The following TSPAN5 variants were observed in gnomAD, a reference collection of about 807,000 sequenced individuals.
The protein encoded by TSPAN5 is tetraspanin-5.
TSPAN5 carries 10 observed loss-of-function variants against 37.1 expected under a neutral mutation model. That is an observed-to-expected ratio of 0.27 (90% CI 0.17 to 0.46). The LOEUF is 0.46. Among genes scored for constraint, TSPAN5 ranks in the 20% least tolerant of loss-of-function variants. The pLI is 1.00. For missense variants in TSPAN5, 195 were observed against 326.6 expected (o/e 0.60, Z 3.11); for synonymous variants, 110 against 118.9 (o/e 0.93, Z 0.48).
At chr4:98,622,518 T>G (rs775761592) in intron 1 of TSPAN5, among the ~76,000 whole-genome samples, 6 of 152,234 alleles carry the variant, frequency 3.9e-5, no homozygotes, top group Non-Finnish European at 8.8e-5. Flanking sequence ...TGCGCCATTT[T>G]CATTCCCATC....
intron 1 of TSPAN5, among the ~76,000 whole-genome samples, chr4:98,558,921 C>T (rs1031046375): frequency 8.5e-5 from 13 of 152,172 alleles, no homozygotes; most frequent in African/African-American, 3.1e-4. Flanking sequence ...TGTTTAATCT[C>T]CCAGCACTCT....
At chr4:98,503,335 G>A (rs1286915040) in intron 2 of TSPAN5, among the ~76,000 whole-genome samples, 1 of 152,082 alleles carries the variant, frequency 6.6e-6, no homozygotes, top group Admixed American at 6.5e-5. Flanking sequence ...GTGCAGAAAA[G>A]ACACCAGAGC....
chr4:98,590,750 T>C (rs1047783019), intron 1 of TSPAN5, among the ~76,000 whole-genome samples: 5 of 151,470 alleles, frequency 3.3e-5, no homozygotes, highest in South Asian at 2.1e-4. Flanking sequence ...AATTAACTTG[T>C]CCGAGGTCAC....
At chr4:98,581,390 A>G (rs1755366306) in intron 1 of TSPAN5, among the ~76,000 whole-genome samples, 1 of 152,134 alleles carries the variant, frequency 6.6e-6, no homozygotes, top group South Asian at 2.1e-4. Flanking sequence ...TACTAGATGC[A>G]AAAATGTATA....
intron 1 of TSPAN5, among the ~76,000 whole-genome samples, chr4:98,616,864 G>A (rs1756352785): frequency 1.1e-5 from 1 of 94,864 alleles, no homozygotes; most frequent in Non-Finnish European, 2.0e-5. Flanking sequence ...GAAGCTCCAC[G>A]TAAATTTTTT....
chr4:98,478,661 AAT>A, intron 5 of TSPAN5, 22 bp downstream of exon 5: 1 of 1,614,138 alleles, frequency 6.2e-7, no homozygotes, highest in Non-Finnish European at 8.5e-7. Flanking sequence ...AGAGTAGGCC[AAT>A]AGTTCGCTGG....
chr4:98,557,108 T>A (rs940177787), intron 1 of TSPAN5, among the ~76,000 whole-genome samples: 6 of 152,150 alleles, frequency 3.9e-5, no homozygotes, highest in African/African-American at 1.2e-4. Context: ...TCAAAGCCAA[T>A]TATGAGACAC....
chr4:98,529,064 TC>T (rs78950462), intron 1 of TSPAN5, among the ~76,000 whole-genome samples: 8 of 101,508 alleles, frequency 7.9e-5, no homozygotes, highest in Non-Finnish European at 1.3e-4. Flanking sequence ...AACTCCAAGC[TC>T]TGTACCACAA....
Position 98,558,378 on chromosome 4 carries a change from C to A in TSPAN5, c.82-50650G>T, listed in dbSNP as rs78190355. On this transcript the variant is annotated intron_variant, in intron 1 of 7. Coordinates refer to ENST00000305798, the MANE Select transcript of TSPAN5 (RefSeq NM_005723.4). ...AAAACTCTTCCAAGTCTCACACTGT[C>A]CCCCTGGATCTCAATCTGCTGGCTA... 5.0e-3 allele frequency among the ~76,000 whole-genome samples: 766 copies of A among 152,268 alleles called. 7 individuals are homozygous for A. Among genetic ancestry groups the A allele is most frequent in the African/African-American group, 0.017 (710 of 41,546 alleles).
At chr4:98,527,008 T>C (rs925240689) in intron 1 of TSPAN5, among the ~76,000 whole-genome samples, 1 of 152,220 alleles carries the variant, frequency 6.6e-6, no homozygotes, top group Non-Finnish European at 1.5e-5. Flanking sequence ...AAACATAGCA[T>C]CAAAGAATCT....
chr4:98,590,574 G>C (rs1481612941), intron 1 of TSPAN5, among the ~76,000 whole-genome samples: 1 of 152,106 alleles, frequency 6.6e-6, no homozygotes, highest in East Asian at 1.9e-4. Flanking sequence ...GCCAGGTGTG[G>C]TGGCATGTGC....
At chr4:98,476,715 A>G (rs1406125932) in intron 5 of TSPAN5, among the ~76,000 whole-genome samples, 1 of 152,170 alleles carries the variant, frequency 6.6e-6, no homozygotes. Context: ...AAAAGACAGC[A>G]AGTCTATCAC....
intron 1 of TSPAN5, among the ~76,000 whole-genome samples, chr4:98,557,593 T>C (rs1294006466): frequency 2.6e-5 from 4 of 152,230 alleles, no homozygotes; most frequent in African/African-American, 9.6e-5. Context: ...ATGTAAATAT[T>C]CTGCCCACAA....
chr4:98,587,831 G>A (rs1560548574), intron 1 of TSPAN5, among the ~76,000 whole-genome samples: 1 of 152,158 alleles, frequency 6.6e-6, no homozygotes, highest in Admixed American at 6.5e-5. Context: ...GAAGGCAGCA[G>A]TGAGCCAAGA....
At chr4:98,613,396 TA>T (rs576459062) in intron 1 of TSPAN5, among the ~76,000 whole-genome samples, 120 of 152,278 alleles carry the variant, frequency 7.9e-4, no homozygotes, top group African/African-American at 2.8e-3. Flanking sequence ...GTTATTGTAA[TA>T]AAACCTACCC....
intron 3 of TSPAN5, 151 bp downstream of exon 3, chr4:98,486,587 A>T: frequency 3.9e-6 from 3 of 759,942 alleles, no homozygotes; most frequent in Non-Finnish European, 2.2e-6. Context: ...AATCAGGGCT[A>T]GAGAGCTCTC....
chr4:98,563,452 C>T (rs987152894), intron 1 of TSPAN5, among the ~76,000 whole-genome samples: 3 of 152,200 alleles, frequency 2.0e-5, no homozygotes, highest in Admixed American at 6.5e-5. Context: ...AAGCAGTCCT[C>T]GCCCTGCTTT....
At chr4:98,551,171 G>A (rs556731446) in intron 1 of TSPAN5, among the ~76,000 whole-genome samples, 3 of 152,142 alleles carry the variant, frequency 2.0e-5, no homozygotes, top group Non-Finnish European at 2.9e-5. Flanking sequence ...TCTGCATGAT[G>A]TATCACATTT....
intron 1 of TSPAN5, among the ~76,000 whole-genome samples, chr4:98,573,530 C>T (rs1224641295): frequency 1.3e-5 from 2 of 152,218 alleles, no homozygotes; most frequent in Non-Finnish European, 2.9e-5. Flanking sequence ...GCCACCATGG[C>T]CCAGCCGAAA....
Sources: gnomAD v4.1 joint callset for allele counts (sites outside exome capture counted in the v4.1 genomes callset) on GRCh38, gnomAD v4.1.1 for gene constraint, MANE v1.5 for transcripts, NCBI Gene and HGNC (gene_info 2026-07-23, HGNC 2026-07-21) for gene names.